PHACTR1: variants seen among roughly 807,000 people sequenced by gnomAD.
PHACTR1 encodes the protein RPEL repeat containing 1.
PHACTR1 carries 16 observed loss-of-function variants against 69.2 expected under a neutral mutation model. That is an observed-to-expected ratio of 0.23 (90% confidence interval 0.16 to 0.35). The LOEUF (loss-of-function observed/expected upper bound fraction) is 0.35. Among genes scored for constraint, PHACTR1 ranks in the 10% least tolerant of loss-of-function variants. PHACTR1 has a pLI of 1.00. For missense variants in PHACTR1, 510 were observed against 734.7 expected (o/e 0.69, Z 3.54); for synonymous variants, 312 against 284.5 (o/e 1.10, Z -0.97).
chr6:13,037,851 G>A (rs1403715782), intron 4 of PHACTR1, among the ~76,000 whole-genome samples: 2 of 152,194 alleles, frequency 1.3e-5, no homozygotes, highest in African/African-American at 2.4e-5. Flanking sequence ...AGAGAAGTGG[G>A]AAGAGTTGGC....
At chr6:12,841,767 T>C (rs1778724251) in intron 4 of PHACTR1, among the ~76,000 whole-genome samples, 2 of 152,192 alleles carry the variant, frequency 1.3e-5, no homozygotes, top group Non-Finnish European at 2.9e-5. Flanking sequence ...CAGTAAACAT[T>C]TCAAGTTTAT....
chr6:13,149,338 G>T (rs1480974873), intron 5 of PHACTR1, among the ~76,000 whole-genome samples: 1 of 152,100 alleles, frequency 6.6e-6, no homozygotes, highest in Non-Finnish European at 1.5e-5. Context: ...GTGTGCTAAT[G>T]AACATGGTGA....
At chr6:12,731,042 G>A (rs1038007011) in intron 3 of PHACTR1, among the ~76,000 whole-genome samples, 1 of 142,216 alleles carries the variant, frequency 7.0e-6, no homozygotes, top group Non-Finnish European at 1.5e-5. Context: ...TTGAGATGGA[G>A]TCTTGCTCTG....
At chr6:13,240,619 G>A (rs1772695606) in intron 10 of PHACTR1, among the ~76,000 whole-genome samples, 1 of 151,802 alleles carries the variant, frequency 6.6e-6, no homozygotes, top group Non-Finnish European at 1.5e-5. Flanking sequence ...GCTAATTTTT[G>A]TATTTTTAGT....
intron 5 of PHACTR1, among the ~76,000 whole-genome samples, chr6:13,079,366 A>G (rs1811026499): frequency 6.6e-6 from 1 of 152,128 alleles, no homozygotes; most frequent in African/African-American, 2.4e-5. Context: ...TTCCATTTCC[A>G]TGTGGGCATA....
intron 4 of PHACTR1, among the ~76,000 whole-genome samples, chr6:12,858,389 A>C (rs1180906606): frequency 6.6e-6 from 1 of 152,206 alleles, no homozygotes; most frequent in Non-Finnish European, 1.5e-5. Context: ...CCAGTGCCCT[A>C]GTTATTTACA....
chr6:13,229,003 A>G (rs1027203216), intron 9 of PHACTR1, among the ~76,000 whole-genome samples: 7 of 152,220 alleles, frequency 4.6e-5, no homozygotes, highest in African/African-American at 7.2e-5. Flanking sequence ...GCTGGCTCCA[A>G]GTAAGACCTG....
chr6:13,023,624 C>G (rs1053902930), intron 4 of PHACTR1, among the ~76,000 whole-genome samples: 3 of 152,204 alleles, frequency 2.0e-5, no homozygotes, highest in Non-Finnish European at 4.4e-5. Flanking sequence ...GAGGTTATTT[C>G]AAGTACAATA....
At chr6:13,006,177 C>T (rs1043101159) in intron 4 of PHACTR1, among the ~76,000 whole-genome samples, 4 of 152,172 alleles carry the variant, frequency 2.6e-5, no homozygotes, top group African/African-American at 9.7e-5. Flanking sequence ...TAGATAAGAA[C>T]CTATGCATCC....
At chr6:13,158,947 A>C (rs1384457326) in intron 5 of PHACTR1, among the ~76,000 whole-genome samples, 1 of 152,344 alleles carries the variant, frequency 6.6e-6, no homozygotes, top group Middle Eastern at 3.4e-3. Flanking sequence ...TCCCCTGAAT[A>C]TGTTTTCAAA....
At chr6:13,241,939 A>AGGAGAATCGCTT (rs1172517887) in intron 10 of PHACTR1, among the ~76,000 whole-genome samples, 2 of 151,024 alleles carry the variant, frequency 1.3e-5, no homozygotes, top group Non-Finnish European at 1.5e-5. Context: ...AAGCTGAGGC[A>AGGAGAATCGCTT]GGAGAATCGC....
chr6:13,164,131 C>T (rs564356861), intron 6 of PHACTR1, among the ~76,000 whole-genome samples: 4 of 151,550 alleles, frequency 2.6e-5, no homozygotes, highest in East Asian at 2.0e-4. Context: ...CTTCTGTATC[C>T]GAATTCGGTT....
At chr6:13,132,199 T>C (rs1169456717) in intron 5 of PHACTR1, among the ~76,000 whole-genome samples, 1 of 152,042 alleles carries the variant, frequency 6.6e-6, no homozygotes, top group Non-Finnish European at 1.5e-5. Context: ...CTGGTTGAGG[T>C]CTTTGTTCTA....
intron 5 of PHACTR1, among the ~76,000 whole-genome samples, chr6:13,067,877 T>C (rs1050805574): frequency 6.6e-6 from 1 of 152,142 alleles, no homozygotes; most frequent in Non-Finnish European, 1.5e-5. Context: ...TGTGGCTACT[T>C]ACTTCTAAGA....
intron 4 of PHACTR1, among the ~76,000 whole-genome samples, chr6:12,999,653 A>G (rs1377749680): frequency 1.3e-5 from 2 of 152,192 alleles, no homozygotes; most frequent in African/African-American, 2.4e-5. Flanking sequence ...GTTACAAATG[A>G]TTCTTAAAGT....
chr6:12,794,510 T>G (rs1772730773), intron 4 of PHACTR1, among the ~76,000 whole-genome samples: 1 of 152,252 alleles, frequency 6.6e-6, no homozygotes, highest in Non-Finnish European at 1.5e-5. Flanking sequence ...CTTTACCTTT[T>G]TGACTAGCCA....
intron 4 of PHACTR1, among the ~76,000 whole-genome samples, chr6:12,813,753 T>A (rs1466599379): frequency 3.3e-5 from 5 of 152,156 alleles, no homozygotes; most frequent in Non-Finnish European, 7.3e-5. Context: ...AGGCCAACAC[T>A]AGGCGCAAGT....
intron 3 of PHACTR1, among the ~76,000 whole-genome samples, chr6:12,730,817 T>A (rs1055139089): frequency 6.6e-6 from 1 of 152,100 alleles, no homozygotes; most frequent in Non-Finnish European, 1.5e-5. Context: ...TGTGTTCTCA[T>A]CATTTAGCTC....
chr6:12,825,841 C>T (rs1308982894), intron 4 of PHACTR1, among the ~76,000 whole-genome samples: 1 of 152,122 alleles, frequency 6.6e-6, no homozygotes, highest in Non-Finnish European at 1.5e-5. Flanking sequence ...GTTTCCCAAA[C>T]TCACCTTTAC....
Sources: gnomAD v4.1 joint callset for allele counts (sites outside exome capture counted in the v4.1 genomes callset) on GRCh38, gnomAD v4.1.1 for gene constraint, MANE v1.5 for transcripts, NCBI Gene and HGNC (gene_info 2026-07-23, HGNC 2026-07-21) for gene names.